The following SLIT1 variants were observed in gnomAD, a reference collection of about 807,000 sequenced individuals.
SLIT1 encodes the protein slit homolog 1 protein.
Under a neutral mutation model 186.1 loss-of-function variants are expected in SLIT1, and 66 were observed. That is an observed-to-expected ratio of 0.35 (90% CI 0.29 to 0.44). The LOEUF (loss-of-function observed/expected upper bound fraction) is 0.44, where lower values mean the gene tolerates loss of function less well. Among genes scored for constraint, SLIT1 ranks in the 20% least tolerant of loss-of-function variants. SLIT1 has a pLI of 1.00. For synonymous variants in SLIT1, 761 were observed against 833.8 expected, an observed-to-expected ratio of 0.91 and a Z score of 1.50; for missense variants, 1,638 against 2,037.4, an observed-to-expected ratio of 0.80 and a Z score of 3.77.
At chr10:97,152,189 CCCA>C (rs1443878303) in intron 4 of SLIT1, among the ~76,000 whole-genome samples, 2 of 152,152 alleles carry the variant, frequency 1.3e-5, no homozygotes, top group African/African-American at 4.8e-5. Flanking sequence ...GGCCCTCCTG[CCCA>C]CCACATGCCA....
rs1850178564 is a variant in SLIT1, at chr10:97,170,889, A to G, written c.198-5999T>C. 2.0e-5 allele frequency among the ~76,000 whole-genome samples: 3 copies of G among 152,196 alleles called. No homozygotes were observed. In the South Asian group the frequency reaches 6.2e-4, roughly 32 times the overall value. ...TGGGATTTCCCGGGGCTGCAAGAAT[A>G]AACTCCCTGGGCTCCTCTCGGGCTG... On this transcript the variant is annotated intron_variant, in intron 1 of 36. Transcript: ENST00000266058.
At chr10:97,156,325 C>T (rs2134718343) in intron 4 of SLIT1, among the ~76,000 whole-genome samples, 1 of 152,306 alleles carries the variant, frequency 6.6e-6, no homozygotes, top group African/African-American at 2.4e-5. Flanking sequence ...CGCCTGTAAT[C>T]CCAGCACTTT....
intron 7 of SLIT1, 122 bp downstream of exon 7, chr10:97,064,046 T>C (rs1848920135): frequency 2.4e-6 from 2 of 820,052 alleles, no homozygotes; most frequent in Middle Eastern, 3.4e-4. Context: ...GGCTGGCCTC[T>C]GGGGGTCTGA....
chr10:97,081,853 G>T (rs146752768), intron 4 of SLIT1, among the ~76,000 whole-genome samples: 2 of 152,126 alleles, frequency 1.3e-5, no homozygotes, highest in African/African-American at 2.4e-5. Context: ...TCCATCCGGC[G>T]GCTCTTCCTC....
In SLIT1 at chr10:97,004,773, G is replaced by T; in HGVS notation, c.3630C>A (p.Asp1210Glu). The T allele has an allele frequency of 1.2e-6, 2 of 1,614,154 alleles. No individual in the cohort carries two copies. Among genetic ancestry groups the T allele is most frequent in the Non-Finnish European group, 1.7e-6 (2 of 1,179,994 alleles). Reference sequence around the variant, plus strand: ...CCTGGTACAGCTCAACTGCAATGTGGTCGTTGTCCCCGTTGTACAGAAGGA... The same window carrying T: ...CCTGGTACAGCTCAACTGCAATGTGTTCGTTGTCCCCGTTGTACAGAAGGA... ...NGILLYNGDNDHIAVELYQGH... is the reference protein window; with the variant it reads ...NGILLYNGDNEHIAVELYQGH... The change falls in exon 33 of 37, where the codon GAC becomes GAA. Residue 1210 changes from aspartate to glutamate, a missense_variant. Transcript: ENST00000266058. The surrounding 1 kb of genome is among the most constrained non-coding windows in gnomAD (Gnocchi z 5.1).
intron 5 of SLIT1, among the ~76,000 whole-genome samples, chr10:97,065,280 T>C (rs1848934641): frequency 6.6e-6 from 1 of 152,070 alleles, no homozygotes; most frequent in Admixed American, 6.5e-5. Context: ...AGAGGTTGAC[T>C]AGAGGTGGCT....
chr10:97,105,116 TG>T (rs1849399973), intron 4 of SLIT1, among the ~76,000 whole-genome samples: 2 of 152,198 alleles, frequency 1.3e-5, no homozygotes, highest in Admixed American at 6.5e-5. Context: ...GGGGCAGAGC[TG>T]GCTTCTTCCA....
At position 97,011,048 on chromosome 10, in the gene SLIT1, C is replaced by T; in HGVS notation, c.3286G>A (p.Ala1096Thr). Reference protein sequence around the residue: ...DCRDHRCQNGAQCMDEVNSYS... With the variant: ...DCRDHRCQNGTQCMDEVNSYS... ...CTGTTGACTTCATCCATACACTGGG[C>T]CCCATTCTGGCAGCGGTGGTCCCTG... Residue 1096 changes from alanine to threonine, a missense_variant, in exon 31 of 37, where the codon GCC becomes ACC. By Grantham distance (58) the Ala-to-Thr change is moderately conservative. Coordinates refer to ENST00000266058, the MANE Select transcript of SLIT1 (RefSeq NM_003061.3). The T allele has an allele frequency of 1.2e-6, 2 of 1,614,056 alleles. No homozygotes were observed. The highest frequency in any genetic ancestry group is 2.2e-5 in the East Asian group (1 of 44,886).
Position 97,184,463 on chromosome 10 carries a change from C to T in SLIT1, c.197+1015G>A, listed in dbSNP as rs76252517. ...ACACACAGCCCATTACGGGGACTCT[C>T]ATGGCCTCACGCTATTAAGGTGGCC... On this transcript the variant is annotated intron_variant, in intron 1 of 36. Transcript: ENST00000266058. The surrounding 1 kb of genome is among the most constrained non-coding windows in gnomAD (Gnocchi z 4.4). 5.8e-3 allele frequency among the ~76,000 whole-genome samples: 886 copies of T among 152,242 alleles called. 1 individual carries two copies. Among genetic ancestry groups the T allele is most frequent in the Non-Finnish European group, 8.1e-3 (549 of 68,002 alleles).
At chr10:97,075,978 T>A (rs1849041875) in intron 4 of SLIT1, among the ~76,000 whole-genome samples, 1 of 152,216 alleles carries the variant, frequency 6.6e-6, no homozygotes, top group South Asian at 2.1e-4. Context: ...CAGACACCCC[T>A]AGTGAGTGGA....
intron 4 of SLIT1, among the ~76,000 whole-genome samples, chr10:97,066,705 C>G (rs1034465397): frequency 6.6e-6 from 1 of 152,158 alleles, no homozygotes; most frequent in African/African-American, 2.4e-5. Flanking sequence ...CTTTGCTTCC[C>G]GCACAGCCTG....
rs1030710781 is a variant in SLIT1 at position 97,010,021 on chromosome 10, A to G, written c.3341+972T>C. 6.6e-5 allele frequency among the ~76,000 whole-genome samples: 10 copies of G among 152,230 alleles called. No homozygotes were observed. Among genetic ancestry groups the G allele is most frequent in the Admixed American group, 2.6e-4 (4 of 15,284 alleles). ...GGTAGTTCCTCAAACAGTTAAACAT[A>G]CAGTTAACATACGACTCAGAAAATC... On this transcript the variant is annotated intron_variant, in intron 31 of 36. Transcript: ENST00000266058. The surrounding 1 kb of genome is among the most constrained non-coding windows in gnomAD (Gnocchi z 4.8).
At position 97,057,259 on chromosome 10, in the gene SLIT1, T is replaced by G. The variant is rs1848849292; in HGVS notation, c.1108A>C (p.Thr370Pro). ...NSLVLYGNKITDLPRGVFGGL... is the reference protein window; with the variant it reads ...NSLVLYGNKIPDLPRGVFGGL... ...CCAAACACACCACGGGGGAGGTCTG[T>G]GATCTTGTTTCCATAGAGGACCCTG... The change falls in exon 12 of 37, where the codon ACA becomes CCA. Residue 370 changes from threonine to proline, a missense_variant. Physicochemically the swap from Thr to Pro is conservative, Grantham distance 38 (BLOSUM62 -1). Coordinates refer to ENST00000266058, the MANE Select transcript of SLIT1 (RefSeq NM_003061.3). 6.2e-7 allele frequency: 1 copy of G among 1,613,826 alleles called. No homozygotes were observed. The highest frequency in any genetic ancestry group is 8.5e-7 in the Non-Finnish European group (1 of 1,179,952).
At chr10:97,145,817 G>A (rs901209071) in intron 4 of SLIT1, among the ~76,000 whole-genome samples, 4 of 152,134 alleles carry the variant, frequency 2.6e-5, no homozygotes, top group African/African-American at 9.7e-5. Context: ...TAAACACTGG[G>A]GCCAAAGCCA....
chr10:97,137,620 C>A (rs1340981563), intron 4 of SLIT1, among the ~76,000 whole-genome samples: 2 of 151,952 alleles, frequency 1.3e-5, no homozygotes, highest in Non-Finnish European at 2.9e-5. Context: ...AGGTCTCACT[C>A]TATGCCCAGG....
chr10:97,178,063 A>G (rs1850280377), intron 1 of SLIT1, among the ~76,000 whole-genome samples: 1 of 152,222 alleles, frequency 6.6e-6, no homozygotes, highest in African/African-American at 2.4e-5. Context: ...CTAATAGAGA[A>G]CAAATGATGG....
At chr10:97,082,782 T>C (rs901477251) in intron 4 of SLIT1, among the ~76,000 whole-genome samples, 2 of 152,122 alleles carry the variant, frequency 1.3e-5, no homozygotes, top group East Asian at 1.9e-4. Context: ...CTCACCACTC[T>C]GGTGTGGGAC....
rs921256144 is a variant in SLIT1 at position 97,010,432 on chromosome 10, T to A, written c.3341+561A>T. Among the ~76,000 whole-genome samples the A allele has an allele frequency of 4.6e-5, 7 of 152,140 alleles. No homozygotes were observed. The highest frequency in any genetic ancestry group is 1.7e-4 in the African/African-American group (7 of 41,428). On this transcript the variant is annotated intron_variant, in intron 31 of 36. Coordinates refer to ENST00000266058, the MANE Select transcript of SLIT1 (RefSeq NM_003061.3). The surrounding 1 kb of genome is among the most constrained non-coding windows in gnomAD (Gnocchi z 4.8). ...ATAGAAGAGGGGCTGGTGTGACAGA[T>A]AAAGGGTATGGGGTTTTTTAAGGGG...
intron 18 of SLIT1, 72 bp downstream of exon 18, chr10:97,046,582 T>G: frequency 1.4e-6 from 2 of 1,458,814 alleles, no homozygotes; most frequent in Non-Finnish European, 1.8e-6. Context: ...CTCCAGCCTC[T>G]CTCTTCCTTT....
Sources: gnomAD v4.1 joint callset for allele counts (sites outside exome capture counted in the v4.1 genomes callset) on GRCh38, gnomAD v4.1.1 for gene constraint, Gnocchi (gnomAD v3.1) non-coding constraint, MANE v1.5 for transcripts, NCBI Gene and HGNC (gene_info 2026-07-23, HGNC 2026-07-21) for gene names.